ATIC: variants seen among roughly 807,000 people sequenced by gnomAD.
ATIC encodes 5-aminoimidazole-4-carboxamide ribonucleotide formyltransferase/IMP cyclohydrolase, also known as bifunctional purine biosynthesis protein ATIC.
ATIC carries 64 observed loss-of-function variants against 72.5 expected under a neutral mutation model. The ratio of observed to expected loss-of-function variants is 0.88; its 90% CI spans 0.72 to 1.09. The LOEUF (loss-of-function observed/expected upper bound fraction) is 1.09. Ranked by LOEUF, ATIC falls within the 50% of genes least tolerant of loss-of-function variation. The pLI, the probability that ATIC is intolerant of heterozygous loss-of-function variation, is 0.00. For missense variants in ATIC, 787 were observed against 732.4 expected (o/e 1.07, Z -0.86); for synonymous variants, 281 against 267.1 (o/e 1.05, Z -0.51).
chr2:215,345,012 C>T, intron 13 of ATIC, 141 bp downstream of exon 13: 1 of 888,536 alleles, frequency 1.1e-6, no homozygotes, highest in African/African-American at 1.7e-5. Context: ...AGTGTTTCCT[C>T]AGTACCCTGG....
At chr2:215,325,013 A>C in intron 4 of ATIC, among the ~76,000 whole-genome samples, 1 of 152,158 alleles carries the variant, frequency 6.6e-6, no homozygotes, top group East Asian at 1.9e-4. Flanking sequence ...CTGTGTATTC[A>C]GATCCGGGGA....
chr2:215,347,817 A>G (rs1340868913), intron 14 of ATIC, among the ~76,000 whole-genome samples: 1 of 152,204 alleles, frequency 6.6e-6, no homozygotes, highest in Non-Finnish European at 1.5e-5. Context: ...ACATGACCCA[A>G]GATAGAAGCA....
chr2:215,329,917 A>T (rs1241070735), intron 7 of ATIC, among the ~76,000 whole-genome samples: 2 of 152,158 alleles, frequency 1.3e-5, no homozygotes, highest in East Asian at 3.9e-4. Flanking sequence ...ATGTACCACC[A>T]GGCCCAGCTA....
At chr2:215,312,398 C>T in intron 1 of ATIC, 100 bp from the exon 2 acceptor site, 1 of 1,595,294 alleles carries the variant, frequency 6.3e-7, no homozygotes, top group Non-Finnish European at 8.6e-7. Flanking sequence ...CAGGTGCTGG[C>T]CTTGCGATTC....
intron 8 of ATIC, among the ~76,000 whole-genome samples, chr2:215,332,728 G>A (rs1208536330): frequency 6.6e-6 from 1 of 152,086 alleles, no homozygotes; most frequent in African/African-American, 2.4e-5. Flanking sequence ...TTTGTTTGTG[G>A]GGTGGAACCA....
In ATIC at chr2:215,312,177, A is replaced by C. The variant is rs950267317; in HGVS notation, c.19+16A>C. On this transcript the variant is annotated intron_variant, in intron 1 of 15. Coordinates refer to ENST00000236959, the MANE Select transcript of ATIC (RefSeq NM_004044.7). ...GGCCAGCTCGGTGAGGCCCTAGCGGAGCGGCGCGGTCTGCGTCCTCGCCTG... is the reference window on the plus strand; with the variant it reads ...GGCCAGCTCGGTGAGGCCCTAGCGGCGCGGCGCGGTCTGCGTCCTCGCCTG... 4.0e-6 allele frequency: 6 copies of C among 1,502,462 alleles called. No individual in the cohort carries two copies. Among genetic ancestry groups the C allele is most frequent in the Non-Finnish European group, 5.3e-6 (6 of 1,133,580 alleles). 93.1% of individuals were successfully genotyped at this position (1,502,462 alleles called of 1,614,324 possible).
At chr2:215,344,494 C>G (rs1280140846) in intron 12 of ATIC, among the ~76,000 whole-genome samples, 2 of 152,052 alleles carry the variant, frequency 1.3e-5, no homozygotes, top group Non-Finnish European at 2.9e-5. Context: ...AGTTCGAGAC[C>G]AGCCTGGCCA....
intron 9 of ATIC, among the ~76,000 whole-genome samples, chr2:215,334,526 A>G (rs147273086): frequency 6.6e-6 from 1 of 152,252 alleles, no homozygotes; most frequent in East Asian, 1.9e-4. Context: ...GTCATGTTTT[A>G]TCAGAGACAT....
rs538052628 is a variant in ATIC, at chr2:215,345,909, A to C, written c.1321-850A>C. Among the ~76,000 whole-genome samples the C allele has an allele frequency of 2.0e-5, 3 of 152,186 alleles. No homozygotes were observed. In the South Asian group the frequency reaches 6.2e-4, roughly 32 times the overall value. On this transcript the variant is annotated intron_variant, in intron 13 of 15. Coordinates refer to ENST00000236959, the MANE Select transcript of ATIC (RefSeq NM_004044.7). ...TGGGCAGACAGCTTAGGGGCTGTTC[A>C]TTATAGGAACTAAAACCAGAAAACA... is the stretch of plus-strand genomic sequence containing the variant.
chr2:215,325,184 C>A, intron 4 of ATIC, 57 bp from the exon 5 acceptor site: 1 of 1,331,880 alleles, frequency 7.5e-7, no homozygotes, highest in Non-Finnish European at 1.1e-6. Context: ...TCCTAGATAG[C>A]TGTAAACCAC....
chr2:215,353,407 C>T (rs1213828077), downstream of ATIC, among the ~76,000 whole-genome samples: 1 of 152,118 alleles, frequency 6.6e-6, no homozygotes, highest in African/African-American at 2.4e-5. Flanking sequence ...TTCACTTAGC[C>T]TATTTTTTAA....
At chr2:215,347,635 A>G (rs984042158) in intron 14 of ATIC, 10 of 490,772 alleles carry the variant, frequency 2.0e-5, no homozygotes, top group Non-Finnish European at 2.8e-5. Flanking sequence ...AGGAATCAAC[A>G]TAAGTGTCAT....
At chr2:215,329,527 T>C (rs1315993361) in intron 7 of ATIC, among the ~76,000 whole-genome samples, 1 of 152,228 alleles carries the variant, frequency 6.6e-6, no homozygotes, top group Non-Finnish European at 1.5e-5. Context: ...GTGATGTTAT[T>C]ACAGAGTGTA....
chr2:215,362,224 T>G, the ATIC span: 1 of 687,018 alleles, frequency 1.5e-6, no homozygotes, highest in Non-Finnish European at 2.6e-6. Context: ...TTGATGATGA[T>G]TTCATGCATT....
intron 4 of ATIC, among the ~76,000 whole-genome samples, chr2:215,324,519 A>G (rs2052801745): frequency 6.6e-6 from 1 of 152,154 alleles, no homozygotes; most frequent in South Asian, 2.1e-4. Context: ...AGGGCAGTAG[A>G]CTTAATAAAG....
intron 12 of ATIC, among the ~76,000 whole-genome samples, chr2:215,340,789 T>G (rs538646949): frequency 6.6e-6 from 1 of 152,312 alleles, no homozygotes; most frequent in South Asian, 2.1e-4. Flanking sequence ...CCTCTAAGAC[T>G]GCCAAAAGTT....
At position 215,312,586 on chromosome 2, in the gene ATIC, G is replaced by A; in HGVS notation, c.108G>A (p.Gly36=). The change falls in exon 2 of 16, where the codon GGG becomes GGA. Residue 36 remains glycine, a synonymous_variant. Coordinates refer to ENST00000236959, the MANE Select transcript of ATIC (RefSeq NM_004044.7). ...ALGLNLVASG[G]TAKALRDAGL... ...GTTTGAATCTGGTCGCTTCCGGAGG[G>A]ACTGCAAAAGCTCTCAGGGATGCTG... is the stretch of plus-strand genomic sequence containing the variant. 1 of 1,614,232 alleles carries A rather than the reference G, an allele frequency of 6.2e-7. No individual in the cohort carries two copies. Among genetic ancestry groups the A allele is most frequent in the Non-Finnish European group, 8.5e-7 (1 of 1,180,034 alleles).
downstream of ATIC, among the ~76,000 whole-genome samples, chr2:215,350,038 G>C (rs2053118087): frequency 6.6e-6 from 1 of 152,150 alleles, no homozygotes; most frequent in East Asian, 1.9e-4. Flanking sequence ...AAATTACCTA[G>C]AATTCTTCTG....
intron 12 of ATIC, among the ~76,000 whole-genome samples, chr2:215,342,216 G>C (rs922249958): frequency 1.3e-5 from 2 of 152,146 alleles, no homozygotes; most frequent in African/African-American, 4.8e-5. Context: ...GCTGGCTTTT[G>C]CTACTAAGTT....
Sources: allele counts gnomAD v4.1 joint callset (sites outside exome capture counted in the v4.1 genomes callset), GRCh38; gene constraint gnomAD v4.1.1; transcripts MANE v1.5; gene names NCBI Gene and HGNC (gene_info 2026-07-23, HGNC 2026-07-21).